The following SORCS1 variants were observed in gnomAD, a reference collection of about 807,000 sequenced individuals.
The protein encoded by SORCS1 is VPS10 domain-containing receptor SorCS1.
SORCS1 carries 60 observed loss-of-function variants against 146.1 expected under a neutral mutation model. That is an observed-to-expected ratio of 0.41 (90% CI 0.33 to 0.51). The LOEUF is 0.51. SORCS1 is among the 20% of genes least tolerant of loss of function. SORCS1 has a pLI of 0.21. For synonymous variants in SORCS1, 637 were observed against 584.0 expected (o/e 1.09, Z -1.31); for missense variants, 1,352 against 1,487.6 (o/e 0.91, Z 1.50).
intron 2 of SORCS1, among the ~76,000 whole-genome samples, chr10:106,947,972 G>A (rs1342606224): frequency 1.3e-5 from 2 of 152,264 alleles, no homozygotes; most frequent in East Asian, 3.9e-4. Flanking sequence ...GCATGCAGTT[G>A]TTTAATTCGA....
chr10:106,732,450 A>G lies in SORCS1; in HGVS notation c.960-2336T>C, dbSNP rs1319472491. Among the ~76,000 whole-genome samples the G allele has an allele frequency of 5.9e-5, 9 of 152,350 alleles. No individual in the cohort carries two copies. The East Asian group carries it at 1.5e-3, about 26-fold the overall frequency. Reference sequence around the variant, plus strand: ...CAAGACTGCAAGTCATGAGCATTAAAAAAGAAAATGAGCTGCTTGACAAGC... The same window carrying G: ...CAAGACTGCAAGTCATGAGCATTAAGAAAGAAAATGAGCTGCTTGACAAGC... On this transcript the variant is annotated intron_variant, in intron 5 of 25. Coordinates refer to ENST00000263054, the MANE Select transcript of SORCS1 (RefSeq NM_052918.5).
intron 7 of SORCS1, 51 bp downstream of exon 7, chr10:106,709,172 C>T: frequency 7.0e-7 from 1 of 1,425,418 alleles, no homozygotes; most frequent in South Asian, 1.2e-5. Context: ...GGGACAGAAA[C>T]AAGGAAAAGA....
chr10:106,779,365 A>G (rs886224793), intron 3 of SORCS1, among the ~76,000 whole-genome samples: 1 of 152,182 alleles, frequency 6.6e-6, no homozygotes, highest in African/African-American at 2.4e-5. Context: ...CTTATTGCAG[A>G]AACAACTCCA....
At chr10:107,054,709 A>C (rs1460686284) in intron 1 of SORCS1, among the ~76,000 whole-genome samples, 2 of 152,230 alleles carry the variant, frequency 1.3e-5, no homozygotes, top group East Asian at 1.9e-4. Flanking sequence ...ATTAATTAAT[A>C]GCCAAACAGC....
chr10:107,043,492 C>G (rs1400897097), intron 1 of SORCS1, among the ~76,000 whole-genome samples: 1 of 152,186 alleles, frequency 6.6e-6, no homozygotes, highest in African/African-American at 2.4e-5. Flanking sequence ...AAGAACAGCT[C>G]TCCAGCAAAC....
At chr10:106,639,963 A>G (rs1288816723) in intron 18 of SORCS1, among the ~76,000 whole-genome samples, 13 of 152,064 alleles carry the variant, frequency 8.5e-5, no homozygotes, top group Admixed American at 8.5e-4. Context: ...GGTCGCAGTG[A>G]GCCAAGATCA....
intron 2 of SORCS1, among the ~76,000 whole-genome samples, chr10:106,887,938 T>C (rs572166897): frequency 6.6e-6 from 1 of 152,324 alleles, no homozygotes; most frequent in South Asian, 2.1e-4. Context: ...GCAAACTGCA[T>C]GCTCACCTGA....
chr10:106,980,637 G>C (rs575892756), intron 1 of SORCS1, among the ~76,000 whole-genome samples: 2 of 152,338 alleles, frequency 1.3e-5, no homozygotes, highest in African/African-American at 4.8e-5. Context: ...CACTCTGCCT[G>C]TAAGTGGCCT....
At chr10:107,070,140 C>T (rs1962289328) in intron 1 of SORCS1, among the ~76,000 whole-genome samples, 1 of 152,202 alleles carries the variant, frequency 6.6e-6, no homozygotes, top group South Asian at 2.1e-4. Context: ...TTTCTTCATG[C>T]TGTAGTATGT....
intron 2 of SORCS1, among the ~76,000 whole-genome samples, chr10:106,831,367 T>C (rs1167472334): frequency 4.6e-5 from 7 of 152,188 alleles, no homozygotes; most frequent in Admixed American, 1.3e-4. Flanking sequence ...TGTAAGGACA[T>C]AGCACACAGC....
chr10:106,929,214 G>A (rs1388290979), intron 2 of SORCS1, among the ~76,000 whole-genome samples: 1 of 151,330 alleles, frequency 6.6e-6, no homozygotes, highest in Non-Finnish European at 1.5e-5. Flanking sequence ...AGAAGAGAAT[G>A]AATTTTTCCC....
At chr10:107,145,655 G>T (rs1474483356) in intron 1 of SORCS1, among the ~76,000 whole-genome samples, 1 of 152,112 alleles carries the variant, frequency 6.6e-6, no homozygotes, top group Non-Finnish European at 1.5e-5. Context: ...TGGCTACAGG[G>T]AAGTTTTAAT....
At chr10:106,930,294 A>AG (rs1328884102) in intron 2 of SORCS1, among the ~76,000 whole-genome samples, 5 of 152,128 alleles carry the variant, frequency 3.3e-5, no homozygotes, top group African/African-American at 1.2e-4. Context: ...AAAAAAAAAA[A>AG]CAAAAAAACA....
intron 4 of SORCS1, among the ~76,000 whole-genome samples, chr10:106,766,290 T>C (rs1271583028): frequency 6.6e-6 from 1 of 152,180 alleles, no homozygotes; most frequent in Admixed American, 6.6e-5. Flanking sequence ...CTCATCCTAA[T>C]ACTGCCCTGG....
chr10:106,966,681 A>G (rs1418269820), intron 1 of SORCS1, among the ~76,000 whole-genome samples: 1 of 152,146 alleles, frequency 6.6e-6, no homozygotes, highest in African/African-American at 2.4e-5. Flanking sequence ...GAAGAGCAAA[A>G]AACTTTTTGT....
intron 1 of SORCS1, among the ~76,000 whole-genome samples, chr10:106,959,756 C>T (rs1409716938): frequency 6.6e-6 from 1 of 152,164 alleles, no homozygotes; most frequent in African/African-American, 2.4e-5. Flanking sequence ...AAGGGATCCT[C>T]CCACTTTAAC....
At chr10:106,671,457 A>ATG in intron 15 of SORCS1, 90 bp from the exon 16 acceptor site, 1 of 1,544,938 alleles carries the variant, frequency 6.5e-7, no homozygotes, top group Non-Finnish European at 8.8e-7. Context: ...ACATTTGCAC[A>ATG]TCTTAGTGTA....
intron 5 of SORCS1, among the ~76,000 whole-genome samples, chr10:106,749,730 A>G (rs1300615375): frequency 1.3e-5 from 2 of 152,202 alleles, no homozygotes; most frequent in Admixed American, 1.3e-4. Context: ...GAAACACATT[A>G]ATATCCAACT....
intron 1 of SORCS1, among the ~76,000 whole-genome samples, chr10:107,082,345 G>T (rs1483755147): frequency 6.6e-6 from 1 of 152,100 alleles, no homozygotes; most frequent in South Asian, 2.1e-4. Context: ...TGCTTTTAAA[G>T]TTTTTTGTTA....
Sources: allele counts gnomAD v4.1 joint callset (sites outside exome capture counted in the v4.1 genomes callset), GRCh38; gene constraint gnomAD v4.1.1; transcripts MANE v1.5; gene names NCBI Gene and HGNC (gene_info 2026-07-23, HGNC 2026-07-21).